Variants in DAB1 observed in about 807,000 individuals in gnomAD.
The protein encoded by DAB1 is disabled homolog 1.
A neutral mutation model predicts 64.6 loss-of-function variants in DAB1; 15 were observed. The observed-to-expected ratio is 0.23, with a 90% CI of 0.16 to 0.36. DAB1 has a LOEUF of 0.36. Among genes scored for constraint, DAB1 ranks in the 10% least tolerant of loss-of-function variants. The probability of loss-of-function intolerance (pLI) is 1.00; values close to 1 mark genes in which losing one functional copy is unlikely to be tolerated. For synonymous variants in DAB1, 235 were observed against 251.9 expected, an observed-to-expected ratio of 0.93 and a Z score of 0.64; for missense variants, 596 against 706.7, an observed-to-expected ratio of 0.84 and a Z score of 1.78.
chr1:57,837,730 T>G (rs1425167417), intron 1 of DAB1, among the ~76,000 whole-genome samples: 1 of 152,092 alleles, frequency 6.6e-6, no homozygotes, highest in African/African-American at 2.4e-5. Flanking sequence ...TTTCTTGCAT[T>G]TAATACTTGA....
At chr1:58,060,723 C>A (rs1648444667) in intron 5 of DAB1, among the ~76,000 whole-genome samples, 2 of 152,204 alleles carry the variant, frequency 1.3e-5, no homozygotes, top group Non-Finnish European at 1.5e-5. Context: ...GCACAAGTCC[C>A]AGGGTAAACT....
At chr1:58,019,257 G>A (rs970199090) in intron 5 of DAB1, among the ~76,000 whole-genome samples, 1 of 151,994 alleles carries the variant, frequency 6.6e-6, no homozygotes, top group Non-Finnish European at 1.5e-5. Flanking sequence ...AAGTTCCTTT[G>A]GCCAGCTATA....
At chr1:58,132,694 T>C (rs945872881) in intron 5 of DAB1, among the ~76,000 whole-genome samples, 1 of 152,136 alleles carries the variant, frequency 6.6e-6, no homozygotes, top group Non-Finnish European at 1.5e-5. Context: ...CAGGATTCTG[T>C]GCTCCTCTGA....
chr1:58,540,106 C>A (rs1209453069), intron 1 of DAB1, among the ~76,000 whole-genome samples: 1 of 152,098 alleles, frequency 6.6e-6, no homozygotes, highest in Non-Finnish European at 1.5e-5. Context: ...CCTATCCCCT[C>A]CCCACCATTC....
chr1:57,804,389 C>T (rs942117514), intron 6 of DAB1, among the ~76,000 whole-genome samples: 5 of 152,142 alleles, frequency 3.3e-5, no homozygotes, highest in African/African-American at 7.2e-5. Context: ...TGGAGCTCAG[C>T]AAATGGCTCA....
intron 1 of DAB1, among the ~76,000 whole-genome samples, chr1:57,853,602 GAATT>G (rs1653628379): frequency 6.6e-6 from 1 of 152,122 alleles, no homozygotes. Flanking sequence ...ACGAATAAAT[GAATT>G]AATGAATAAG....
At chr1:57,908,357 T>A (rs146220329) in intron 5 of DAB1, among the ~76,000 whole-genome samples, 6 of 152,166 alleles carry the variant, frequency 3.9e-5, no homozygotes, top group African/African-American at 1.4e-4. Flanking sequence ...TCCACTGATG[T>A]CCTTTTCAAC....
intron 2 of DAB1, among the ~76,000 whole-genome samples, chr1:58,524,121 C>A (rs1557452862): frequency 6.6e-6 from 1 of 152,204 alleles, no homozygotes; most frequent in Non-Finnish European, 1.5e-5. Context: ...AACTCCATTT[C>A]CGCAAAACAG....
intron 1 of DAB1, among the ~76,000 whole-genome samples, chr1:57,404,585 T>G (rs1195179235): frequency 6.6e-6 from 1 of 152,188 alleles, no homozygotes; most frequent in Non-Finnish European, 1.5e-5. Context: ...ACTTTTTTTC[T>G]CTTTTATGCT....
chr1:57,332,303 GT>G (rs2100800649), intron 1 of DAB1, among the ~76,000 whole-genome samples: 1 of 152,228 alleles, frequency 6.6e-6, no homozygotes, highest in South Asian at 2.1e-4. Flanking sequence ...CATCTTGCTT[GT>G]TCAGGCCACT....
intron 4 of DAB1, among the ~76,000 whole-genome samples, chr1:58,328,871 CCTT>C (rs1336778743): frequency 6.6e-6 from 1 of 152,140 alleles, no homozygotes; most frequent in African/African-American, 2.4e-5. Context: ...CCCAATCCTG[CCTT>C]CTTTTTAACC....
In DAB1 at chr1:57,757,973, T is replaced by C. The variant is rs543344310; in HGVS notation, n.552-108308A>G. ...CTAGGACTCCAGGTACATGTCACCA[T>C]GCACAGTTAATTAAAAGAAAAATTG... On this transcript the variant is annotated intron_variant and non_coding_transcript_variant, in intron 6 of 20. Coordinates refer to the DAB1 transcript ENST00000485760. Among the ~76,000 whole-genome samples the C allele has an allele frequency of 3.3e-5, 5 of 152,138 alleles. No homozygotes were observed. In the South Asian group the frequency reaches 1.0e-3, roughly 32 times the overall value.
intron 1 of DAB1, among the ~76,000 whole-genome samples, chr1:57,413,827 C>A (rs148875650): frequency 6.7e-6 from 1 of 149,086 alleles, no homozygotes; most frequent in African/African-American, 2.5e-5. Context: ...GTCTAAATAT[C>A]AACATTAATA....
chr1:57,022,893 G>C (rs1371906966), intron 11 of DAB1, among the ~76,000 whole-genome samples: 1 of 152,284 alleles, frequency 6.6e-6, no homozygotes, highest in Non-Finnish European at 1.5e-5. Context: ...AGGTAAGATT[G>C]CTGGGCTCCA....
At chr1:57,797,093 T>A (rs1245676766) in intron 6 of DAB1, among the ~76,000 whole-genome samples, 1 of 152,214 alleles carries the variant, frequency 6.6e-6, no homozygotes. Context: ...GTGCCATCAA[T>A]ATATTTCCCA....
chr1:57,519,184 A>C (rs551796143), intron 7 of DAB1, among the ~76,000 whole-genome samples: 1 of 152,162 alleles, frequency 6.6e-6, no homozygotes, highest in African/African-American at 2.4e-5. Flanking sequence ...TTAATGCTGC[A>C]TTTGAATTAA....
At chr1:57,740,047 A>AC in intron 6 of DAB1, among the ~76,000 whole-genome samples, 1 of 41,656 alleles carries the variant, frequency 2.4e-5, no homozygotes, top group South Asian at 7.3e-4. Flanking sequence ...CTACTACTAC[A>AC]AAAAAAAAAA....
At chr1:58,180,017 G>A (rs967627879) in intron 4 of DAB1, among the ~76,000 whole-genome samples, 5 of 151,856 alleles carry the variant, frequency 3.3e-5, no homozygotes, top group Non-Finnish European at 7.4e-5. Flanking sequence ...TTTACATTAG[G>A]TGCTATAAGT....
chr1:58,524,005 C>T (rs1646310359), intron 2 of DAB1, among the ~76,000 whole-genome samples: 2 of 152,158 alleles, frequency 1.3e-5, no homozygotes, highest in African/African-American at 2.4e-5. Context: ...CATTGTGTAG[C>T]AGGCCTTTTT....
Sources: allele counts gnomAD v4.1 joint callset (sites outside exome capture counted in the v4.1 genomes callset), GRCh38; gene constraint gnomAD v4.1.1; transcripts MANE v1.5; gene names NCBI Gene and HGNC (gene_info 2026-07-23, HGNC 2026-07-21).